The following APPL1 variants were observed in gnomAD, a reference collection of about 807,000 sequenced individuals.
APPL1 encodes the protein adaptor protein, phosphotyrosine interacting with PH domain and leucine zipper 1.
In APPL1, 42 loss-of-function variants were observed where a neutral mutation model predicts 106.8. The ratio of observed to expected loss-of-function variants is 0.39; its 90% CI spans 0.31 to 0.51. APPL1 has a LOEUF of 0.51. Ranked by LOEUF, APPL1 falls within the 20% of genes least tolerant of loss-of-function variation. The probability of loss-of-function intolerance (pLI) is 0.75; values close to 1 mark genes in which losing one functional copy is unlikely to be tolerated. For missense variants in APPL1, 769 were observed against 858.2 expected, an observed-to-expected ratio of 0.90 and a Z score of 1.30; for synonymous variants, 263 against 281.8, an observed-to-expected ratio of 0.93 and a Z score of 0.67.
At chr3:57,244,807 G>A (rs2060764314) in intron 7 of APPL1, among the ~76,000 whole-genome samples, 2 of 152,150 alleles carry the variant, frequency 1.3e-5, no homozygotes, top group Non-Finnish European at 2.9e-5. Flanking sequence ...AAGACTAGAG[G>A]ATATCCAGTG....
At position 57,258,865 on chromosome 3, in the gene APPL1, G is replaced by A. The variant is rs1224534929; in HGVS notation, c.1431-163G>A. On this transcript the variant is annotated intron_variant, in intron 15 of 21. Transcript: ENST00000288266. ...GATCAGTTAGTGTGTGAGGGCAGAG[G>A]CCTTCATCATAGTAATTTAGTGATC... 1.7e-4 allele frequency: 94 copies of A among 554,616 alleles called. 1 individual carries two copies. In the East Asian group the frequency reaches 2.8e-3, roughly 16 times the overall value. 34.4% of individuals were successfully genotyped at this position (554,616 alleles called of 1,614,324 possible).
intron 4 of APPL1, among the ~76,000 whole-genome samples, chr3:57,240,112 T>C (rs1162033910): frequency 6.6e-6 from 1 of 151,484 alleles, no homozygotes; most frequent in Admixed American, 6.6e-5. Flanking sequence ...TTGGCAAATA[T>C]TTTCTCCCAT....
At chr3:57,246,327 T>G in intron 8 of APPL1, 105 bp downstream of exon 8, 3 of 799,390 alleles carry the variant, frequency 3.8e-6, no homozygotes. Flanking sequence ...TCAACATCCT[T>G]GTTTATGTCT....
At chr3:57,237,186 G>A (rs2060720874) in intron 2 of APPL1, among the ~76,000 whole-genome samples, 2 of 152,166 alleles carry the variant, frequency 1.3e-5, no homozygotes, top group Non-Finnish European at 2.9e-5. Flanking sequence ...CAACGTAGAT[G>A]CTCTAAAGAT....
Position 57,259,952 on chromosome 3 carries a change from G to T in APPL1, c.1591G>T (p.Ala531Ser). Residue 531 changes from alanine (A) to serine (S), a missense_variant, in exon 17 of 22, where the codon GCC (alanine) becomes TCC (serine). Transcript: ENST00000288266. The stretch of plus-strand genomic sequence containing the variant: ...TGAAACTATGCGCCAAATCTTAGCT[G>T]CCCGGGCCATCCATAACATCTTTCG... The part of the protein sequence containing the change: ...VYETMRQILA[A>S]RAIHNIFRMT... 6.2e-7 allele frequency: 1 copy of T among 1,613,910 alleles called. No homozygotes were observed. Among genetic ancestry groups the T allele is most frequent in the Non-Finnish European group, 8.5e-7 (1 of 1,179,976 alleles).
chr3:57,240,805 T>C (rs963309273), intron 5 of APPL1, among the ~76,000 whole-genome samples: 14 of 149,950 alleles, frequency 9.3e-5, no homozygotes, highest in African/African-American at 2.3e-4. Context: ...ACAACACTTA[T>C]GTCTCTTATA....
In APPL1 at chr3:57,240,505, A is replaced by G; in HGVS notation, c.326A>G (p.Asp109Gly). 6.2e-7 allele frequency: 1 copy of G among 1,613,948 alleles called. No homozygotes were observed. ...GCAGTGCTTTCAACTCAACTTGCTG[A>G]TGCCATGATGTTCCCCATTACCCAG... Reference protein sequence around the residue: ...CHAVLSTQLADAMMFPITQFK... With the variant: ...CHAVLSTQLAGAMMFPITQFK... The change falls in exon 5 of 22, where the codon GAT becomes GGT. Residue 109 changes from aspartate (D) to glycine (G), a missense_variant. Transcript: ENST00000288266.
chr3:57,268,773 C>G (rs2060913221), intron 21 of APPL1: 1 of 185,914 alleles, frequency 5.4e-6, no homozygotes, highest in African/African-American at 2.3e-5. Context: ...GCTGTGTAGA[C>G]TTAACTGCCA....
intron 4 of APPL1, among the ~76,000 whole-genome samples, chr3:57,239,669 T>A (rs553522439): frequency 1.3e-4 from 20 of 152,204 alleles, no homozygotes; most frequent in Non-Finnish European, 2.6e-4. Flanking sequence ...TTTTCAGTTC[T>A]CTTGAGTAGG....
chr3:57,263,330 C>T (rs761625063), intron 19 of APPL1, among the ~76,000 whole-genome samples: 47 of 151,870 alleles, frequency 3.1e-4, no homozygotes, highest in Non-Finnish European at 1.8e-4. Flanking sequence ...CGTAGTCCCC[C>T]GTTCTATCAA....
chr3:57,251,027 T>C (rs1215825334), intron 11 of APPL1, among the ~76,000 whole-genome samples: 1 of 147,668 alleles, frequency 6.8e-6, no homozygotes, highest in Non-Finnish European at 1.5e-5. Flanking sequence ...CAGGATGGTC[T>C]CGATCTCCTG....
intron 19 of APPL1, 111 bp downstream of exon 19, chr3:57,260,885 G>T: frequency 8.5e-7 from 1 of 1,173,138 alleles, no homozygotes; most frequent in Non-Finnish European, 1.1e-6. Flanking sequence ...ATTACTGATT[G>T]AATTCTTTAC....
intron 5 of APPL1, among the ~76,000 whole-genome samples, chr3:57,240,925 C>T (rs2060743137): frequency 6.6e-6 from 1 of 152,170 alleles, no homozygotes; most frequent in African/African-American, 2.4e-5. Flanking sequence ...GCCAGGAGAA[C>T]AGTCATTGTT....
chr3:57,229,699 C>CTTTTTTT lies in APPL1; in HGVS notation c.54+1784_54+1790dup, dbSNP rs753258836. ...ATACAGGCGTGTGCCACTGTGCCAG[C>CTTTTTTT]TTTTTTTTTTTTTTTTTTTTTTTTT... On this transcript the variant is annotated intron_variant, in intron 1 of 21. Transcript: ENST00000288266. 1.4e-4 allele frequency among the ~76,000 whole-genome samples: 13 copies of CTTTTTTT among 93,118 alleles called. 1 individual carries two copies. Among genetic ancestry groups the CTTTTTTT allele is most frequent in the African/African-American group, 6.1e-4 (13 of 21,456 alleles). The allele number at this position is 93,118 out of a possible 152,430, so 61.1% of individuals were successfully genotyped here. A position where few individuals can be genotyped will look rare whatever the true frequency, so the allele number is the denominator to read the frequency against.
Position 57,269,375 on chromosome 3 carries a change from T to C in APPL1, c.1984-166T>C, listed in dbSNP as rs2060918925. ...TTATAGGATGGTGCCAAAATTCATT[T>C]TGGTGTTGTATTGTTTGGGTGTAGC... is the stretch of plus-strand genomic sequence containing the variant. On this transcript the variant is annotated intron_variant, in intron 21 of 21. Transcript: ENST00000288266. 7.1e-6 allele frequency: 4 copies of C among 561,822 alleles called. No individual in the cohort carries two copies. The East Asian group carries it at 1.2e-4, about 17-fold the overall frequency. The allele number at this position is 561,822 out of a possible 1,614,324, so 34.8% of individuals were successfully genotyped here. A position where few individuals can be genotyped will look rare whatever the true frequency, so the allele number is the denominator to read the frequency against.
intron 1 of APPL1, among the ~76,000 whole-genome samples, chr3:57,232,944 G>T (rs1559506246): frequency 6.6e-6 from 1 of 152,108 alleles, no homozygotes; most frequent in African/African-American, 2.4e-5. Context: ...GGAGCGTGCA[G>T]TGAGCCAGGA....
chr3:57,246,599 A>T (rs2060774965), intron 8 of APPL1, among the ~76,000 whole-genome samples: 1 of 152,182 alleles, frequency 6.6e-6, no homozygotes. Flanking sequence ...ATACTTCCTG[A>T]GTTAAAAATA....
chr3:57,248,206 A>G lies in APPL1; in HGVS notation c.718A>G (p.Met240Val). Residue 240 changes from methionine (M) to valine (V), a missense_variant, in exon 10 of 22, where the codon ATG (methionine) becomes GTG (valine). By Grantham distance (21) the Met-to-Val change is conservative. Coordinates refer to ENST00000288266, the MANE Select transcript of APPL1 (RefSeq NM_012096.3). ...GTTCTGTGTCAGTGTTCGCAGGGAA[A>G]TGGACAGTGATATAGAGACCATGCA... ...GTSVQNVRRE[M>V]DSDIETMQQT... The G allele has an allele frequency of 6.2e-7, 1 of 1,613,444 alleles. No individual in the cohort carries two copies. The highest frequency in any genetic ancestry group is 8.5e-7 in the Non-Finnish European group (1 of 1,179,652).
In APPL1 at chr3:57,237,607, A is replaced by T. The variant is rs1449921680; in HGVS notation, c.213+56A>T. 3.0e-5 allele frequency: 37 copies of T among 1,244,204 alleles called. No homozygotes were observed. The East Asian group carries it at 7.3e-4, about 25-fold the overall frequency. 77.1% of individuals were successfully genotyped at this position (1,244,204 alleles called of 1,614,324 possible). On this transcript the variant is annotated intron_variant, in intron 3 of 21. Coordinates refer to ENST00000288266, the MANE Select transcript of APPL1 (RefSeq NM_012096.3). ...TTTTAAAAGTATAGTATCTGTATAGATAGACTTTCAACAAGAATCCTTAAG... is the reference window on the plus strand; with the variant it reads ...TTTTAAAAGTATAGTATCTGTATAGTTAGACTTTCAACAAGAATCCTTAAG...
Sources: allele counts gnomAD v4.1 joint callset (sites outside exome capture counted in the v4.1 genomes callset), GRCh38; gene constraint gnomAD v4.1.1; transcripts MANE v1.5; gene names NCBI Gene and HGNC (gene_info 2026-07-23, HGNC 2026-07-21).